The following NFIX variants were observed in gnomAD, a reference collection of about 807,000 sequenced individuals.
NFIX encodes the protein nuclear factor I X.
NFIX carries 2 observed loss-of-function variants against 53.3 expected under a neutral mutation model. That is an observed-to-expected ratio of 0.04 (90% CI 0.02 to 0.12). NFIX has a LOEUF of 0.12. NFIX is among the 10% of genes least tolerant of loss of function. The pLI is 1.00. For missense variants in NFIX, 310 were observed against 674.5 expected (o/e 0.46, Z 5.99); for synonymous variants, 244 against 289.0 (o/e 0.84, Z 1.58).
intron 8 of NFIX, among the ~76,000 whole-genome samples, chr19:13,086,607 C>T (rs1005676435): frequency 2.0e-5 from 3 of 152,260 alleles, no homozygotes; most frequent in East Asian, 1.9e-4. Flanking sequence ...TGGCCTCCAC[C>T]CAGCCCCTCC....
At chr19:13,038,746 A>T (rs963635570) in intron 2 of NFIX, among the ~76,000 whole-genome samples, 1 of 152,206 alleles carries the variant, frequency 6.6e-6, no homozygotes, top group Non-Finnish European at 1.5e-5. Flanking sequence ...CAACTGGGTC[A>T]TCGTTTCTGC....
rs1423514544 is a variant in NFIX at position 13,040,214 on chromosome 19, AC to A, written c.559+14663del. Among the ~76,000 whole-genome samples, 2 of 152,190 alleles carry A rather than the reference AC, an allele frequency of 1.3e-5. No homozygotes were observed. Among genetic ancestry groups the A allele is most frequent in the African/African-American group, 2.4e-5 (1 of 41,436 alleles). ...CCCTGCCCCCGCTGAGTACCTTGTT[AC>A]AGGGGCTACTGCTTGGTGGGCTCAG... On this transcript the variant is annotated intron_variant, in intron 2 of 10. Coordinates refer to ENST00000592199, the MANE Select transcript of NFIX (RefSeq NM_001365902.3). This position sits in a 1 kb window ranked among gnomAD's most constrained non-coding sequence, Gnocchi z 4.2.
At position 13,093,250 on chromosome 19, in the gene NFIX, C is replaced by G. The variant is rs750113367; in HGVS notation, c.1495-1385C>G. Among the ~76,000 whole-genome samples the G allele has an allele frequency of 2.6e-5, 4 of 152,228 alleles. No individual in the cohort carries two copies. The highest frequency in any genetic ancestry group is 5.9e-5 in the Non-Finnish European group (4 of 68,046). On this transcript the variant is annotated intron_variant, in intron 10 of 10. Transcript: ENST00000592199. This position sits in a 1 kb window ranked among gnomAD's most constrained non-coding sequence, Gnocchi z 4.7. ...GTCACAGAAAGTGCTAGATGATCTC[C>G]AAGGCCCTTTCTGAAACTCAGTGTC...
intron 2 of NFIX, among the ~76,000 whole-genome samples, chr19:13,030,202 T>C (rs950939624): frequency 6.6e-6 from 1 of 152,228 alleles, no homozygotes; most frequent in African/African-American, 2.4e-5. Flanking sequence ...TAGCAGGATC[T>C]ACAGATTATC....
At chr19:13,056,110 G>A (rs539558385) in intron 2 of NFIX, among the ~76,000 whole-genome samples, 4 of 152,278 alleles carry the variant, frequency 2.6e-5, no homozygotes, top group African/African-American at 9.6e-5. Context: ...CCTGCTCTGC[G>A]GCTGAAATTG....
chr19:13,020,656 T>G (rs2012916540), intron 1 of NFIX, among the ~76,000 whole-genome samples: 1 of 152,176 alleles, frequency 6.6e-6, no homozygotes, highest in African/African-American at 2.4e-5. Flanking sequence ...TGTTGCTTCT[T>G]CTGTTAAGAG....
chr19:13,061,437 G>T (rs1956026109), intron 2 of NFIX, among the ~76,000 whole-genome samples: 1 of 152,210 alleles, frequency 6.6e-6, no homozygotes, highest in African/African-American at 2.4e-5. Context: ...TTCCTCTTGG[G>T]ACCCCCTGGG....
intron 1 of NFIX, among the ~76,000 whole-genome samples, chr19:13,008,861 G>A (rs117243298): frequency 0.029 from 4,414 of 152,290 alleles, 102 homozygotes; most frequent in Middle Eastern, 0.12. Context: ...CACCTCCAAG[G>A]TTTGCAAACA....
At position 13,022,800 on chromosome 19, in the gene NFIX, TC is replaced by T. The variant is rs1269802696; in HGVS notation, c.28-2214del. On this transcript the variant is annotated intron_variant, in intron 1 of 10. Transcript: ENST00000592199. This position sits in a 1 kb window ranked among gnomAD's most constrained non-coding sequence, Gnocchi z 4.5. Reference sequence around the variant, plus strand: ...AATTTCGAGTCTTCCACAATCCCAGTCCCCCCCAATGCCCCACCCCACCCCC... The same window carrying T: ...AATTTCGAGTCTTCCACAATCCCAGTCCCCCCAATGCCCCACCCCACCCCC... 6.6e-6 allele frequency among the ~76,000 whole-genome samples: 1 copy of T among 150,808 alleles called. No homozygotes were observed. Among genetic ancestry groups the T allele is most frequent in the South Asian group, 2.1e-4 (1 of 4,770 alleles).
chr19:13,029,699 G>A (rs2013649276), intron 2 of NFIX, among the ~76,000 whole-genome samples: 1 of 152,204 alleles, frequency 6.6e-6, no homozygotes, highest in Non-Finnish European at 1.5e-5. Context: ...GGACAGCTGA[G>A]CTTAGCCTTA....
At position 13,001,929 on chromosome 19, in the gene NFIX, G is replaced by A. The variant is rs1325792653; in HGVS notation, c.27+6065G>A. Among the ~76,000 whole-genome samples, 6 of 152,228 alleles carry A rather than the reference G, an allele frequency of 3.9e-5. 1 individual carries two copies. The highest frequency in any genetic ancestry group is 3.9e-4 in the Admixed American group (6 of 15,290). On this transcript the variant is annotated intron_variant, in intron 1 of 10. Coordinates refer to ENST00000592199, the MANE Select transcript of NFIX (RefSeq NM_001365902.3). This position sits in a 1 kb window ranked among gnomAD's most constrained non-coding sequence, Gnocchi z 6.5. ...CCTGGCCTGGCGTGGACAGAAGCCC[G>A]TTGTGCGGCAGCGAGGTGCGGGCGT...
chr19:13,003,453 ACACT>A (rs1040466916), intron 1 of NFIX, among the ~76,000 whole-genome samples: 15 of 152,190 alleles, frequency 9.9e-5, no homozygotes, highest in South Asian at 6.2e-4. Context: ...CACAGCACAC[ACACT>A]CAGTCATAAT....
rs1290181179 is a variant in NFIX at position 13,067,500 on chromosome 19, GTGTGTA to G, written c.560-5541_560-5536del. 1.3e-3 allele frequency among the ~76,000 whole-genome samples: 192 copies of G among 143,942 alleles called. No homozygotes were observed. Among genetic ancestry groups the G allele is most frequent in the African/African-American group, 2.9e-3 (114 of 39,912 alleles). 94.4% of individuals were successfully genotyped at this position (143,942 alleles called of 152,430 possible). A position where few individuals can be genotyped will look rare whatever the true frequency, so the allele number is the denominator to read the frequency against. On this transcript the variant is annotated intron_variant, in intron 2 of 10. Coordinates refer to ENST00000592199, the MANE Select transcript of NFIX (RefSeq NM_001365902.3). The surrounding 1 kb of genome is among the most constrained non-coding windows in gnomAD (Gnocchi z 4.2). ...TGTGTGTGCGTGTGTGTGTGTGTGTGTGTGTATGTGTGTGTCTGAGTCTGAGCATAT... is the reference window on the plus strand; with the variant it reads ...TGTGTGTGCGTGTGTGTGTGTGTGTGTGTGTGTGTCTGAGTCTGAGCATAT...
intron 2 of NFIX, among the ~76,000 whole-genome samples, chr19:13,048,871 G>A (rs2015152788): frequency 6.6e-6 from 1 of 151,980 alleles, no homozygotes; most frequent in Non-Finnish European, 1.5e-5. Flanking sequence ...TCAGGAGTTC[G>A]AGACCAGCCT....
chr19:13,025,071 C>A lies in NFIX; in HGVS notation c.78C>A (p.Phe26Leu). 1 of 1,614,168 alleles carries A rather than the reference C, an allele frequency of 6.2e-7. No homozygotes were observed. Among genetic ancestry groups the A allele is most frequent in the Non-Finnish European group, 8.5e-7 (1 of 1,180,000 alleles). Residue 26 changes from phenylalanine to leucine, a missense_variant, in exon 2 of 11, where the codon TTC becomes TTA. Phe to Leu is a conservative substitution (Grantham distance 22). Around this residue, in one of 5 missense-constraint regions of NFIX, gnomAD observed 64 missense variants for 144.5 expected, o/e 0.44. Coordinates refer to ENST00000592199, the MANE Select transcript of NFIX (RefSeq NM_001365902.3). The surrounding 1 kb of genome is among the most constrained non-coding windows in gnomAD (Gnocchi z 7.5). ...IEALLPHVRA[F>L]SYTWFNLQAR... ...CACTGCTGCCTCACGTCCGCGCTTTCTCCTACACCTGGTTCAACCTGCAGG... is the reference window on the plus strand; with the variant it reads ...CACTGCTGCCTCACGTCCGCGCTTTATCCTACACCTGGTTCAACCTGCAGG...
chr19:13,024,118 A>C (rs530043013), intron 1 of NFIX: 9 of 888,026 alleles, frequency 1.0e-5, no homozygotes, highest in African/African-American at 1.7e-5. Flanking sequence ...ACAACCAAAA[A>C]AAAAAAAAAA....
rs2012950744 is a variant in NFIX, at chr19:13,021,469, T to G, written c.28-3552T>G. Among the ~76,000 whole-genome samples the G allele has an allele frequency of 1.3e-5, 2 of 152,114 alleles. No individual in the cohort carries two copies. The highest frequency in any genetic ancestry group is 4.1e-4 in the South Asian group (2 of 4,826). On this transcript the variant is annotated intron_variant, in intron 1 of 10. Coordinates refer to ENST00000592199, the MANE Select transcript of NFIX (RefSeq NM_001365902.3). This position sits in a 1 kb window ranked among gnomAD's most constrained non-coding sequence, Gnocchi z 4.2. ...CCAGGTGCTCTTCCGGGAACCTTTCTGCCAACATAAAGGCCACAAAGCACA... is the reference window on the plus strand; with the variant it reads ...CCAGGTGCTCTTCCGGGAACCTTTCGGCCAACATAAAGGCCACAAAGCACA...
intron 8 of NFIX, among the ~76,000 whole-genome samples, chr19:13,084,844 C>T (rs2017679184): frequency 1.3e-5 from 2 of 151,818 alleles, no homozygotes; most frequent in African/African-American, 2.4e-5. Flanking sequence ...CTGAGGTGGG[C>T]GGATCATCTG....
At chr19:13,035,558 C>G (rs1196979821) in intron 2 of NFIX, among the ~76,000 whole-genome samples, 6 of 152,058 alleles carry the variant, frequency 3.9e-5, no homozygotes, top group Non-Finnish European at 8.8e-5. Context: ...GAGACCAGAA[C>G]TGTTGTCTGG....
Sources: gnomAD v4.1 joint callset for allele counts (sites outside exome capture counted in the v4.1 genomes callset) on GRCh38, gnomAD v4.1.1 for gene constraint, gnomAD v4.1.1 regional missense constraint, Gnocchi (gnomAD v3.1) non-coding constraint, MANE v1.5 for transcripts, NCBI Gene and HGNC (gene_info 2026-07-23, HGNC 2026-07-21) for gene names.